Variants in MYOF observed in about 807,000 individuals in gnomAD.
The protein encoded by MYOF is fer-1-like 3, myoferlin.
A neutral mutation model predicts 284.2 loss-of-function variants in MYOF; 244 were observed. The observed-to-expected ratio is 0.86, with a 90% CI of 0.77 to 0.95. The LOEUF (loss-of-function observed/expected upper bound fraction) is 0.95. Ranked by LOEUF, MYOF falls within the 40% of genes least tolerant of loss-of-function variation. MYOF has a pLI of 0.00. For missense variants in MYOF, 2,496 were observed against 2,560.6 expected, an observed-to-expected ratio of 0.97 and a Z score of 0.54; for synonymous variants, 904 against 919.7, an observed-to-expected ratio of 0.98 and a Z score of 0.31.
chr10:93,480,843 A>G (rs910629403), intron 1 of MYOF, among the ~76,000 whole-genome samples: 5 of 152,282 alleles, frequency 3.3e-5, no homozygotes, highest in Admixed American at 6.5e-5. Context: ...TAAGAAGAGA[A>G]ATAAAGGGGA....
intron 2 of MYOF, among the ~76,000 whole-genome samples, chr10:93,454,987 TAAAAAAAAA>T (rs56013436): frequency 1.7e-5 from 1 of 58,654 alleles, no homozygotes; most frequent in South Asian, 6.5e-4. Context: ...TTTTTTTAAT[TAAAAAAAAA>T]AAAAAAAAAA....
chr10:93,317,772 A>G (rs1842679531), intron 49 of MYOF, among the ~76,000 whole-genome samples: 1 of 152,232 alleles, frequency 6.6e-6, no homozygotes, highest in Non-Finnish European at 1.5e-5. Flanking sequence ...TGCCTCAGAC[A>G]ATGTTAACTA....
chr10:93,348,134 C>A (rs532328064), intron 36 of MYOF, among the ~76,000 whole-genome samples: 1 of 152,186 alleles, frequency 6.6e-6, no homozygotes, highest in Non-Finnish European at 1.5e-5. Flanking sequence ...CTGACCCATG[C>A]TCTTTACTCT....
At chr10:93,473,806 A>C (rs1344601290) in intron 1 of MYOF, among the ~76,000 whole-genome samples, 2 of 152,180 alleles carry the variant, frequency 1.3e-5, no homozygotes, top group Non-Finnish European at 2.9e-5. Context: ...CCTTATGCAA[A>C]TGAACCATGG....
In MYOF at chr10:93,381,161, C is replaced by T. The variant is rs193285796; in HGVS notation, c.1876+58G>A. 5,865 of 1,562,806 alleles carry T rather than the reference C, an allele frequency of 3.8e-3. 41 individuals are homozygous for T. Among genetic ancestry groups the T allele is most frequent in the Non-Finnish European group, 3.8e-3 (4,286 of 1,140,036 alleles). On this transcript the variant is annotated intron_variant, in intron 20 of 53. Coordinates refer to ENST00000359263, the MANE Select transcript of MYOF (RefSeq NM_013451.4). Reference sequence around the variant, plus strand: ...AGAGGGAAGACACAGTGCTTGCTTCCGGTCCCGTGGTGCACCCATTGTAAA... The same window carrying T: ...AGAGGGAAGACACAGTGCTTGCTTCTGGTCCCGTGGTGCACCCATTGTAAA...
At chr10:93,442,723 T>G (rs1340674833) in intron 3 of MYOF, among the ~76,000 whole-genome samples, 2 of 152,238 alleles carry the variant, frequency 1.3e-5, no homozygotes, top group African/African-American at 4.8e-5. Flanking sequence ...ATGCAAATTC[T>G]GAGACAGATA....
At chr10:93,392,758 G>T (rs1372207218) in intron 17 of MYOF, among the ~76,000 whole-genome samples, 159 bp downstream of exon 17, 1 of 152,132 alleles carries the variant, frequency 6.6e-6, no homozygotes, top group African/African-American at 2.4e-5. Flanking sequence ...TAGCCGTGCA[G>T]GACAACCGTA....
chr10:93,439,597 C>T (rs1248716135), intron 3 of MYOF, among the ~76,000 whole-genome samples: 1 of 152,220 alleles, frequency 6.6e-6, no homozygotes, highest in Admixed American at 6.5e-5. Flanking sequence ...AATTCAGACT[C>T]AGGCTGCGTA....
At chr10:93,463,306 A>G (rs1026553791) in intron 1 of MYOF, among the ~76,000 whole-genome samples, 5 of 151,474 alleles carry the variant, frequency 3.3e-5, no homozygotes, top group Admixed American at 6.6e-5. Context: ...TGTAATCCCA[A>G]CATTTTGGAA....
intron 48 of MYOF, among the ~76,000 whole-genome samples, chr10:93,321,193 A>AACTG (rs1408561911): frequency 6.6e-6 from 1 of 152,180 alleles, no homozygotes; most frequent in Admixed American, 6.5e-5. Context: ...CATAGCCCAG[A>AACTG]ACTGACAGAA....
chr10:93,328,452 C>T (rs1564621599), intron 45 of MYOF, among the ~76,000 whole-genome samples: 1 of 152,144 alleles, frequency 6.6e-6, no homozygotes, highest in Admixed American at 6.5e-5. Flanking sequence ...AGGGAAATTC[C>T]TGCACTACTG....
rs770613470 is a variant in MYOF at position 93,361,493 on chromosome 10, T to A, written c.2933A>T (p.Asp978Val). Residue 978 changes from aspartate to valine, a missense_variant, in exon 28 of 54, where the codon GAT becomes GTT. Asp to Val is a radical substitution (Grantham distance 152, BLOSUM62 -3). Around this residue, in one of 3 missense-constraint regions of MYOF, gnomAD observed 2,436 missense variants for 2,480.7 expected, o/e 0.98. Coordinates refer to ENST00000359263, the MANE Select transcript of MYOF (RefSeq NM_013451.4). ...TCGATTTATGTCATAAGACCATGCA[T>A]CATCTTCCCATTCCCAACCTGGAGG... ...TCPPGWEWEDDAWSYDINRAV... is the reference protein window; with the variant it reads ...TCPPGWEWEDVAWSYDINRAV... 14 of 1,614,108 alleles carry A rather than the reference T, an allele frequency of 8.7e-6. No homozygotes were observed. In the African/African-American group the frequency reaches 1.1e-4, roughly 12 times the overall value.
At chr10:93,422,920 T>C (rs1180927333) in intron 5 of MYOF, among the ~76,000 whole-genome samples, 1 of 152,192 alleles carries the variant, frequency 6.6e-6, no homozygotes, top group Non-Finnish European at 1.5e-5. Context: ...ATTTTTTTTT[T>C]CCTAAAGGCC....
intron 3 of MYOF, among the ~76,000 whole-genome samples, chr10:93,444,536 T>G (rs2056372201): frequency 6.6e-6 from 1 of 152,196 alleles, no homozygotes; most frequent in South Asian, 2.1e-4. Context: ...ATGAGCTCCC[T>G]AATAAGAAGG....
At chr10:93,415,066 T>C (rs1848062963) in intron 5 of MYOF, among the ~76,000 whole-genome samples, 1 of 152,024 alleles carries the variant, frequency 6.6e-6, no homozygotes, top group Non-Finnish European at 1.5e-5. Context: ...TTTGTATCTT[T>C]CCAATTTGCT....
intron 7 of MYOF, among the ~76,000 whole-genome samples, chr10:93,404,635 C>T (rs1303940171): frequency 3.8e-5 from 5 of 131,270 alleles, no homozygotes; most frequent in African/African-American, 9.8e-5. Flanking sequence ...TAGTGAGAGG[C>T]CATCTCAAAA....
At chr10:93,320,944 T>G (rs1842818167) in intron 48 of MYOF, among the ~76,000 whole-genome samples, 1 of 152,138 alleles carries the variant, frequency 6.6e-6, no homozygotes, top group Non-Finnish European at 1.5e-5. Context: ...ATCTCGCATC[T>G]GTAAAATAAG....
In MYOF at chr10:93,306,958, C is replaced by CT. The variant is rs1842127227; in HGVS notation, c.*4dup. ...ATGACTCTTGAAATGAAGCCTTTGC[C>CT]TTTGTTACACATTTGGCTTTACAAT... On this transcript the variant is annotated 3_prime_UTR_variant, in exon 54 of 54. Coordinates refer to ENST00000359263, the MANE Select transcript of MYOF (RefSeq NM_013451.4). 1 of 1,612,320 alleles carries CT rather than the reference C, an allele frequency of 6.2e-7. No individual in the cohort carries two copies. The highest frequency in any genetic ancestry group is 1.7e-5 in the Admixed American group (1 of 59,766).
chr10:93,404,213 A>G lies in MYOF; in HGVS notation c.736T>C (p.Phe246Leu), dbSNP rs1847438576. Residue 246 changes from phenylalanine (F) to leucine (L), a missense_variant, in exon 8 of 54, where the codon TTC becomes CTC. By Grantham distance (22) the Phe-to-Leu change is conservative. Coordinates refer to ENST00000359263, the MANE Select transcript of MYOF (RefSeq NM_013451.4). ...GAAGGGGTCATGTTGACATTGTAGA[A>G]AAACAACTGCCAAAACAATAGAGCA... ...GNNPFFDELF[F>L]YNVNMTPSEL... 2 of 1,613,992 alleles carry G rather than the reference A, an allele frequency of 1.2e-6. No homozygotes were observed. Among genetic ancestry groups the G allele is most frequent in the East Asian group, 2.2e-5 (1 of 44,892 alleles).
Sources: gnomAD v4.1 joint callset for allele counts (sites outside exome capture counted in the v4.1 genomes callset) on GRCh38, gnomAD v4.1.1 for gene constraint, gnomAD v4.1.1 regional missense constraint, MANE v1.5 for transcripts, NCBI Gene and HGNC (gene_info 2026-07-23, HGNC 2026-07-21) for gene names.